The following CHSY1 variants were observed in gnomAD, a reference collection of about 807,000 sequenced individuals.
CHSY1 encodes N-acetylgalactosaminyl-proteoglycan 3-beta-glucuronosyltransferase 1.
CHSY1 carries 13 observed loss-of-function variants against 59.8 expected under a neutral mutation model. That is an observed-to-expected ratio of 0.22 (90% CI 0.14 to 0.35). CHSY1 has a LOEUF of 0.35. CHSY1 is among the 10% of genes least tolerant of loss of function. The probability of loss-of-function intolerance (pLI) is 1.00; values close to 1 mark genes in which losing one functional copy is unlikely to be tolerated. For missense variants in CHSY1, 947 were observed against 1,030.6 expected, an observed-to-expected ratio of 0.92 and a Z score of 1.11; for synonymous variants, 459 against 401.2, an observed-to-expected ratio of 1.14 and a Z score of -1.72.
At chr15:101,224,005 T>C (rs1229190999) in intron 2 of CHSY1, among the ~76,000 whole-genome samples, 4 of 152,264 alleles carry the variant, frequency 2.6e-5, no homozygotes, top group Non-Finnish European at 5.9e-5. Context: ...GTGATATGTT[T>C]AGAAATACAA....
At chr15:101,250,048 C>T (rs960371691) in intron 1 of CHSY1, among the ~76,000 whole-genome samples, 1 of 152,192 alleles carries the variant, frequency 6.6e-6, no homozygotes, top group Non-Finnish European at 1.5e-5. Flanking sequence ...CTCACAACAT[C>T]TAGTGCCTGA....
chr15:101,234,491 G>C (rs927521300), intron 2 of CHSY1, among the ~76,000 whole-genome samples: 1 of 152,188 alleles, frequency 6.6e-6, no homozygotes. Flanking sequence ...GGATAATCAA[G>C]AAAATATCAC....
In CHSY1 at chr15:101,176,035, G is replaced by A. The variant is rs2038183196; in HGVS notation, c.*1353C>T. On this transcript the variant is annotated 3_prime_UTR_variant, in exon 3 of 3. Coordinates refer to ENST00000254190, the MANE Select transcript of CHSY1 (RefSeq NM_014918.5). The stretch of plus-strand genomic sequence containing the variant: ...CCCAAAACACATGAGCACCAAAATT[G>A]TCAAAGAACACTTAATATTTAGTAA... 5.4e-6 allele frequency: 2 copies of A among 372,166 alleles called. No homozygotes were observed. The highest frequency in any genetic ancestry group is 4.8e-6 in the Non-Finnish European group (1 of 210,452). The allele number at this position is 372,166 out of a possible 1,614,324, so 23.1% of individuals were successfully genotyped here.
chr15:101,203,011 T>C (rs1413552960), intron 2 of CHSY1, among the ~76,000 whole-genome samples: 1 of 152,214 alleles, frequency 6.6e-6, no homozygotes, highest in African/African-American at 2.4e-5. Context: ...ACATTACTAG[T>C]GCTGGTTAGC....
At chr15:101,237,222 T>TAAAAAA (rs56731913) in intron 1 of CHSY1, among the ~76,000 whole-genome samples, 5 of 57,354 alleles carry the variant, frequency 8.7e-5, no homozygotes, top group African/African-American at 2.9e-4. Context: ...AGACTCCATC[T>TAAAAAA]AAAAAAAAAA....
intron 1 of CHSY1, among the ~76,000 whole-genome samples, chr15:101,240,638 G>C (rs1286665365): frequency 6.6e-6 from 1 of 152,170 alleles, no homozygotes. Flanking sequence ...AAGTAATTCA[G>C]CTGGACCAGT....
chr15:101,177,839 T>C lies in CHSY1; in HGVS notation c.1958A>G (p.Gln653Arg), dbSNP rs979729208. ...GCTGAAGATGATTGGAAAATATATT[T>C]GTTGGCCCAGAACTGTATTTGCTCG... ...RCRANTVLGQ[Q>R]IYFPIIFSQY... Residue 653 changes from glutamine (Q) to arginine (R), a missense_variant, in exon 3 of 3, where the codon CAA becomes CGA. Gln to Arg is a conservative substitution (Grantham distance 43). This residue lies in a region of CHSY1 where 602 missense variants were observed against 676.9 expected (regional missense o/e 0.89). Transcript: ENST00000254190. 1 of 1,614,246 alleles carries C rather than the reference T, an allele frequency of 6.2e-7. No individual in the cohort carries two copies. The highest frequency in any genetic ancestry group is 8.5e-7 in the Non-Finnish European group (1 of 1,180,038).
intron 2 of CHSY1, chr15:101,186,797 G>C (rs956229529): frequency 5.7e-4 from 2 of 3,482 alleles, no homozygotes; most frequent in African/African-American, 7.4e-4. Flanking sequence ...GCAAGACCCT[G>C]TCAAACAAAA....
intron 2 of CHSY1, among the ~76,000 whole-genome samples, chr15:101,193,664 G>A (rs1476401103): frequency 1.3e-5 from 2 of 152,236 alleles, no homozygotes; most frequent in African/African-American, 4.8e-5. Context: ...GACCAAGTAT[G>A]TTTACTCCAT....
At position 101,178,113 on chromosome 15, in the gene CHSY1, T is replaced by G. The variant is rs892627220; in HGVS notation, c.1684A>C (p.Asn562His). The change falls in exon 3 of 3, where the codon AAT (asparagine) becomes CAT (histidine). Residue 562 changes from asparagine to histidine, a missense_variant. By Grantham distance (68) the Asn-to-His change is moderately conservative. Around this residue, in one of 4 missense-constraint regions of CHSY1, gnomAD observed 602 missense variants for 676.9 expected, o/e 0.89. Transcript: ENST00000254190. ...GNFEKTCLIP[N>H]QNVKLVVLLF... ...AGAACCACGAGCTTGACGTTCTGAT[T>G]GGGGATAAGACACGTCTTCTCAAAG... is the stretch of plus-strand genomic sequence containing the variant. The G allele has an allele frequency of 6.2e-7, 1 of 1,614,162 alleles. No individual in the cohort carries two copies. The highest frequency in any genetic ancestry group is 8.5e-7 in the Non-Finnish European group (1 of 1,180,000).
intron 2 of CHSY1, among the ~76,000 whole-genome samples, chr15:101,202,365 C>G (rs1596439742): frequency 8.3e-5 from 6 of 72,216 alleles, no homozygotes; most frequent in Admixed American, 1.4e-4. Flanking sequence ...GCAGTGGGAT[C>G]TCAGACACAG....
At chr15:101,186,833 CAA>C (rs3986565) in intron 2 of CHSY1, 147,239 of 152,470 alleles carry the variant, frequency 0.97, 71,091 homozygotes, top group Non-Finnish European at 0.98. Flanking sequence ...AAAACAAAAA[CAA>C]AAACAGACAA....
chr15:101,213,433 G>A (rs2038702206), intron 2 of CHSY1, among the ~76,000 whole-genome samples: 1 of 152,150 alleles, frequency 6.6e-6, no homozygotes, highest in Admixed American at 6.5e-5. Flanking sequence ...AAAAAAATTA[G>A]AAGAGGCTGA....
At chr15:101,203,031 T>A (rs2038589248) in intron 2 of CHSY1, among the ~76,000 whole-genome samples, 1 of 152,160 alleles carries the variant, frequency 6.6e-6, no homozygotes, top group South Asian at 2.1e-4. Context: ...CATATAAAAA[T>A]AAAAATGTGA....
chr15:101,241,852 G>C (rs920905633), intron 1 of CHSY1, among the ~76,000 whole-genome samples: 4 of 152,106 alleles, frequency 2.6e-5, no homozygotes, highest in African/African-American at 9.7e-5. Context: ...CATCCAAGAG[G>C]GAATGATCCC....
chr15:101,219,429 TCACGAGGATGCATCCAGTTC>T (rs1270978351), intron 2 of CHSY1, among the ~76,000 whole-genome samples: 1 of 152,220 alleles, frequency 6.6e-6, no homozygotes, highest in East Asian at 1.9e-4. Flanking sequence ...TAAAGCAGCT[TCACGAGGATGCATCCAGTTC>T]CACGTAGGGA....
intron 2 of CHSY1, 85 bp downstream of exon 2, chr15:101,234,997 T>C (rs989288161): frequency 3.8e-5 from 58 of 1,535,798 alleles, no homozygotes; most frequent in Non-Finnish European, 4.9e-5. Flanking sequence ...GAGGATATCA[T>C]CTCTAGTTTC....
chr15:101,248,934 C>T (rs1166717500), intron 1 of CHSY1, among the ~76,000 whole-genome samples: 1 of 151,442 alleles, frequency 6.6e-6, no homozygotes, highest in Non-Finnish European at 1.5e-5. Context: ...CTACAGGCAC[C>T]TGCCACCAAG....
chr15:101,240,400 C>T (rs1034747391), intron 1 of CHSY1, among the ~76,000 whole-genome samples: 4 of 152,194 alleles, frequency 2.6e-5, no homozygotes, highest in African/African-American at 9.7e-5. Flanking sequence ...CATAAGCAAA[C>T]GTCAGCTTTG....
Sources: gnomAD v4.1 joint callset for allele counts (sites outside exome capture counted in the v4.1 genomes callset) on GRCh38, gnomAD v4.1.1 for gene constraint, gnomAD v4.1.1 regional missense constraint, MANE v1.5 for transcripts, NCBI Gene and HGNC (gene_info 2026-07-23, HGNC 2026-07-21) for gene names.